Variants in AFF3 observed in about 807,000 individuals in gnomAD.
AFF3 encodes ALF transcription elongation factor 3.
Under a neutral mutation model 129.7 loss-of-function variants are expected in AFF3, and 32 were observed. The observed-to-expected ratio is 0.25, with a 90% confidence interval of 0.19 to 0.33. The LOEUF is 0.33. Ranked by LOEUF, AFF3 falls within the 10% of genes least tolerant of loss-of-function variation. The pLI, the probability that AFF3 is intolerant of heterozygous loss-of-function variation, is 1.00. For synonymous variants in AFF3, 644 were observed against 635.4 expected (o/e 1.01, Z -0.20); for missense variants, 1,373 against 1,592.0 (o/e 0.86, Z 2.34).
chr2:99,681,714 C>T (rs970172249), intron 11 of AFF3, among the ~76,000 whole-genome samples: 2 of 152,174 alleles, frequency 1.3e-5, no homozygotes, highest in Non-Finnish European at 2.9e-5. Flanking sequence ...CACCACATCT[C>T]GTTCCTTGAT....
chr2:99,559,252 T>G (rs1440488315), intron 21 of AFF3, among the ~76,000 whole-genome samples: 1 of 152,232 alleles, frequency 6.6e-6, no homozygotes, highest in East Asian at 1.9e-4. Flanking sequence ...CGCTTCCTTC[T>G]TCCACCACGA....
intron 7 of AFF3, among the ~76,000 whole-genome samples, chr2:99,861,918 A>T (rs1162243603): frequency 6.6e-6 from 1 of 152,036 alleles, no homozygotes; most frequent in Non-Finnish European, 1.5e-5. Context: ...AGTTGCTCAA[A>T]AATTCTCTTA....
At chr2:100,010,004 T>C (rs1682367037) in intron 4 of AFF3, among the ~76,000 whole-genome samples, 1 of 152,002 alleles carries the variant, frequency 6.6e-6, no homozygotes, top group Admixed American at 6.5e-5. Context: ...GAGCTGGGAG[T>C]TGGCACACTC....
intron 13 of AFF3, among the ~76,000 whole-genome samples, chr2:99,608,706 C>A (rs1479979020): frequency 1.3e-5 from 2 of 152,152 alleles, no homozygotes; most frequent in East Asian, 3.8e-4. Context: ...ATCTCTGTAC[C>A]TGGAAACAAG....
At chr2:100,030,480 T>C (rs970144363) in intron 4 of AFF3, among the ~76,000 whole-genome samples, 15 of 152,126 alleles carry the variant, frequency 9.9e-5, no homozygotes, top group African/African-American at 1.7e-4. Flanking sequence ...CTAAACATAG[T>C]CCCACCATGC....
At chr2:99,963,829 T>C (rs2104354118) in intron 7 of AFF3, among the ~76,000 whole-genome samples, 1 of 152,132 alleles carries the variant, frequency 6.6e-6, no homozygotes, top group African/African-American at 2.4e-5. Flanking sequence ...AGACAGAGAT[T>C]GTCAGAGTGG....
chr2:99,861,663 A>G (rs1049854989), intron 7 of AFF3, among the ~76,000 whole-genome samples: 1 of 152,186 alleles, frequency 6.6e-6, no homozygotes, highest in Non-Finnish European at 1.5e-5. Context: ...CGCATCATAC[A>G]TAACAAAAGA....
At chr2:99,972,423 G>T (rs1052356353) in intron 7 of AFF3, among the ~76,000 whole-genome samples, 6 of 152,214 alleles carry the variant, frequency 3.9e-5, no homozygotes, top group Admixed American at 3.3e-4. Flanking sequence ...CTGCACAGGG[G>T]TGATTTTAGG....
At chr2:99,843,608 T>C (rs1689484863) in intron 7 of AFF3, among the ~76,000 whole-genome samples, 1 of 152,218 alleles carries the variant, frequency 6.6e-6, no homozygotes, top group Non-Finnish European at 1.5e-5. Flanking sequence ...AGGGTCCTTT[T>C]AATGTATTGT....
intron 4 of AFF3, among the ~76,000 whole-genome samples, chr2:100,050,211 A>C (rs1221715467): frequency 5.9e-5 from 9 of 152,080 alleles, no homozygotes; most frequent in Non-Finnish European, 1.5e-5. Flanking sequence ...GGGGAAAAAA[A>C]GGCAGTTATG....
At chr2:100,081,108 G>A (rs1271446002) in intron 4 of AFF3, among the ~76,000 whole-genome samples, 1 of 151,966 alleles carries the variant, frequency 6.6e-6, no homozygotes, top group Admixed American at 6.5e-5. Flanking sequence ...TCAGGTCACT[G>A]TCCTCAGGAA....
At chr2:99,637,763 A>G (rs1258065929) in intron 13 of AFF3, among the ~76,000 whole-genome samples, 1 of 152,220 alleles carries the variant, frequency 6.6e-6, no homozygotes, top group Admixed American at 6.5e-5. Flanking sequence ...ATGCTAATTA[A>G]GTCTTCTCTC....
intron 4 of AFF3, among the ~76,000 whole-genome samples, chr2:100,059,225 C>T (rs1254878189): frequency 2.4e-5 from 3 of 125,060 alleles, no homozygotes; most frequent in South Asian, 5.3e-4. Flanking sequence ...TGCACTCCAG[C>T]CTGGGCAACA....
At chr2:99,602,180 T>C (rs1679901753) in intron 13 of AFF3, among the ~76,000 whole-genome samples, 1 of 152,168 alleles carries the variant, frequency 6.6e-6, no homozygotes, top group African/African-American at 2.4e-5. Flanking sequence ...AGTTCATGTC[T>C]TGCTTCCTCC....
chr2:99,776,225 C>A (rs1449188971), intron 8 of AFF3, among the ~76,000 whole-genome samples: 2 of 152,130 alleles, frequency 1.3e-5, no homozygotes, highest in Non-Finnish European at 2.9e-5. Context: ...AAAGAACCAG[C>A]AGCAGAGTCA....
At chr2:99,940,512 T>A (rs1419488939) in intron 7 of AFF3, among the ~76,000 whole-genome samples, 10 of 152,176 alleles carry the variant, frequency 6.6e-5, no homozygotes, top group Admixed American at 6.5e-4. Flanking sequence ...ACCAAGATGG[T>A]GACGAGAGTG....
At chr2:99,626,544 T>G in intron 13 of AFF3, among the ~76,000 whole-genome samples, 1 of 137,400 alleles carries the variant, frequency 7.3e-6, no homozygotes, top group South Asian at 2.6e-4. Context: ...CCCTCCCTTC[T>G]CCCTTCTCCC....
At chr2:99,706,638 G>A (rs1252413215) in intron 11 of AFF3, among the ~76,000 whole-genome samples, 1 of 152,166 alleles carries the variant, frequency 6.6e-6, no homozygotes, top group African/African-American at 2.4e-5. Flanking sequence ...TATAGAAAAG[G>A]CAATAATAGT....
At chr2:100,026,322 G>C (rs1019501031) in intron 4 of AFF3, among the ~76,000 whole-genome samples, 1 of 152,120 alleles carries the variant, frequency 6.6e-6, no homozygotes, top group African/African-American at 2.4e-5. Flanking sequence ...AATGATCAGG[G>C]AAATGCAAAT....
Sources: allele counts gnomAD v4.1 joint callset (sites outside exome capture counted in the v4.1 genomes callset), GRCh38; gene constraint gnomAD v4.1.1; transcripts MANE v1.5; gene names NCBI Gene and HGNC (gene_info 2026-07-23, HGNC 2026-07-21).